The following EHBP1 variants were observed in gnomAD, a reference collection of about 807,000 sequenced individuals.
The protein encoded by EHBP1 is EH domain binding protein 1, also known as EH domain-binding protein 1.
A neutral mutation model predicts 144.0 loss-of-function variants in EHBP1; 55 were observed. The observed-to-expected ratio is 0.38, with a 90% CI of 0.31 to 0.48. The LOEUF is 0.48. Ranked by LOEUF, EHBP1 falls within the 20% of genes least tolerant of loss-of-function variation. The pLI is 0.98. For synonymous variants in EHBP1, 469 were observed against 472.7 expected (o/e 0.99, Z 0.10); for missense variants, 1,200 against 1,364.2 (o/e 0.88, Z 1.90).
chr2:62,830,992 G>A (rs761892782), intron 6 of EHBP1, 27 bp from the exon 7 acceptor site: 23 of 1,604,304 alleles, frequency 1.4e-5, no homozygotes, highest in Middle Eastern at 1.7e-4. Flanking sequence ...TTAGTACAAT[G>A]TGTTATATTT....
At chr2:62,896,766 AGTT>A (rs1391726266) in intron 10 of EHBP1, among the ~76,000 whole-genome samples, 5 of 151,870 alleles carry the variant, frequency 3.3e-5, no homozygotes, top group Admixed American at 3.3e-4. Flanking sequence ...CTACTGAAAA[AGTT>A]GTCTGTACTC....
At chr2:63,001,937 C>G (rs1196228400) in intron 19 of EHBP1, among the ~76,000 whole-genome samples, 1 of 152,144 alleles carries the variant, frequency 6.6e-6, no homozygotes, top group Non-Finnish European at 1.5e-5. Flanking sequence ...AGAAACAGAT[C>G]AATATTCACT....
intron 1 of EHBP1, among the ~76,000 whole-genome samples, chr2:62,688,911 G>A (rs140600440): frequency 1.3e-5 from 2 of 152,274 alleles, no homozygotes; most frequent in African/African-American, 4.8e-5. Flanking sequence ...CTACATGCAA[G>A]TTTTGGAATG....
intron 5 of EHBP1, among the ~76,000 whole-genome samples, chr2:62,807,528 A>G (rs1046057840): frequency 1.3e-5 from 2 of 152,360 alleles, no homozygotes; most frequent in South Asian, 2.1e-4. Context: ...AGCCTGGGCA[A>G]TAAGAGCGAA....
chr2:62,744,698 C>T (rs919923126), intron 2 of EHBP1, among the ~76,000 whole-genome samples: 10 of 152,102 alleles, frequency 6.6e-5, no homozygotes, highest in South Asian at 2.1e-4. Context: ...CTTAGGAGAC[C>T]GCCCTTCTTG....
chr2:62,864,021 G>A (rs2049854883), intron 8 of EHBP1, among the ~76,000 whole-genome samples: 1 of 151,458 alleles, frequency 6.6e-6, no homozygotes, highest in Admixed American at 6.6e-5. Context: ...TAGTTTTTGT[G>A]TATTAAGTAG....
intron 1 of EHBP1, among the ~76,000 whole-genome samples, chr2:62,695,612 G>A (rs1477554550): frequency 1.3e-5 from 2 of 152,140 alleles, no homozygotes; most frequent in Non-Finnish European, 2.9e-5. Flanking sequence ...AACTATAGAT[G>A]GAAAGCTTTT....
At position 62,831,086 on chromosome 2, in the gene EHBP1, G is replaced by T; in HGVS notation, c.562G>T (p.Asp188Tyr). 6.2e-7 allele frequency: 1 copy of T among 1,609,936 alleles called. No individual in the cohort carries two copies. The highest frequency in any genetic ancestry group is 1.1e-5 in the South Asian group (1 of 89,840). Residue 188 changes from aspartate (D) to tyrosine (Y), a missense_variant, in exon 7 of 23, where the codon GAC becomes TAC. Transcript: ENST00000431489. ...GCAGGCTGACATTGGCAATTTAGAT[G>T]ACTTCGAAGAAGATAATGAAGATGA... ...MKQADIGNLD[D>Y]FEEDNEDDDE...
At chr2:62,926,121 G>A (rs1031411906) in intron 10 of EHBP1, among the ~76,000 whole-genome samples, 3 of 152,256 alleles carry the variant, frequency 2.0e-5, no homozygotes, top group Middle Eastern at 6.8e-3. Context: ...GAACTGATTT[G>A]TGACAAAGAC....
chr2:62,885,616 T>A (rs969904337), intron 10 of EHBP1, among the ~76,000 whole-genome samples: 2 of 152,152 alleles, frequency 1.3e-5, no homozygotes, highest in Non-Finnish European at 2.9e-5. Flanking sequence ...ATAAATGAAA[T>A]TGTTCCCAGA....
chr2:62,994,435 A>G (rs1267891009), intron 18 of EHBP1, among the ~76,000 whole-genome samples: 1 of 152,110 alleles, frequency 6.6e-6, no homozygotes, highest in Admixed American at 6.6e-5. Flanking sequence ...TGTTTGCATT[A>G]ATATAATATA....
intron 10 of EHBP1, among the ~76,000 whole-genome samples, chr2:62,925,534 T>C (rs976485799): frequency 6.6e-6 from 1 of 152,108 alleles, no homozygotes; most frequent in Non-Finnish European, 1.5e-5. Flanking sequence ...ATCTAAAGAC[T>C]GTACCAAATT....
At chr2:62,731,724 A>G (rs2037621263) in intron 2 of EHBP1, among the ~76,000 whole-genome samples, 1 of 152,174 alleles carries the variant, frequency 6.6e-6, no homozygotes, top group South Asian at 2.1e-4. Context: ...TGGTTTTTAC[A>G]GTAATTGGTT....
chr2:62,692,055 A>G (rs2033925120), intron 1 of EHBP1, among the ~76,000 whole-genome samples: 1 of 150,248 alleles, frequency 6.7e-6, no homozygotes, highest in East Asian at 1.9e-4. Flanking sequence ...ATTAGCAGTA[A>G]CTCCTTCATG....
intron 2 of EHBP1, among the ~76,000 whole-genome samples, chr2:62,710,845 TG>T (rs771332728): frequency 6.6e-5 from 10 of 152,200 alleles, no homozygotes; most frequent in Non-Finnish European, 1.2e-4. Flanking sequence ...GTTGAATTTA[TG>T]AAGACCAAAT....
intron 10 of EHBP1, among the ~76,000 whole-genome samples, chr2:62,923,191 C>G (rs1410087307): frequency 6.6e-6 from 1 of 152,176 alleles, no homozygotes; most frequent in Non-Finnish European, 1.5e-5. Context: ...ACACCACAAC[C>G]TCAGCAATAC....
At chr2:62,947,952 G>A (rs564466060) in intron 12 of EHBP1, among the ~76,000 whole-genome samples, 3 of 152,214 alleles carry the variant, frequency 2.0e-5, no homozygotes, top group African/African-American at 7.2e-5. Flanking sequence ...ATATGGATTA[G>A]TCTAATGTTT....
At chr2:62,984,203 A>T (rs2059094510) in intron 15 of EHBP1, among the ~76,000 whole-genome samples, 1 of 152,192 alleles carries the variant, frequency 6.6e-6, no homozygotes, top group African/African-American at 2.4e-5. Flanking sequence ...CTGTTTAAAA[A>T]ATGCAGATAT....
intron 7 of EHBP1, among the ~76,000 whole-genome samples, chr2:62,831,419 C>A (rs1217593696): frequency 1.3e-5 from 2 of 152,112 alleles, no homozygotes; most frequent in Admixed American, 1.3e-4. Flanking sequence ...CAACCTAAAT[C>A]TGGTCATACT....
Sources: gnomAD v4.1 joint callset for allele counts (sites outside exome capture counted in the v4.1 genomes callset) on GRCh38, gnomAD v4.1.1 for gene constraint, MANE v1.5 for transcripts, NCBI Gene and HGNC (gene_info 2026-07-23, HGNC 2026-07-21) for gene names.